Variants in ZNF732 observed in about 807,000 individuals in gnomAD.
The protein encoded by ZNF732 is zinc finger protein LOC654254.
ZNF732 carries 12 observed loss-of-function variants against 11.5 expected under a neutral mutation model. That is an observed-to-expected ratio of 1.05 (90% CI 0.67 to 1.70). The LOEUF is 1.70. Ranked by LOEUF, ZNF732 falls within the 40% of genes most tolerant of loss-of-function variation. ZNF732 has a pLI of 0.00. For missense variants in ZNF732, 702 were observed against 676.9 expected, an observed-to-expected ratio of 1.04 and a Z score of -0.41; for synonymous variants, 231 against 236.5, an observed-to-expected ratio of 0.98 and a Z score of 0.21.
In ZNF732 at chr4:277,270, A is replaced by C. The variant is rs140486318; in HGVS notation, c.227-4640T>G. 1.2e-3 allele frequency among the ~76,000 whole-genome samples: 186 copies of C among 152,220 alleles called. 1 individual carries two copies. Among genetic ancestry groups the C allele is most frequent in the African/African-American group, 4.0e-3 (168 of 41,582 alleles). ...AAGACCTCAAAATCACAGGCAAAAG[A>C]AGCAAAAATATGCAAACGGGATTAC... is the stretch of plus-strand genomic sequence containing the variant. On this transcript the variant is annotated intron_variant, in intron 3 of 3. Transcript: ENST00000419098.
In ZNF732 at chr4:305,416, C is replaced by G; in HGVS notation, c.-106G>C. ...CTGTGACCGAATCACCGACGCCTCC[C>G]TGAGGGGTGAAAGCACGGCCGTGGA... On this transcript the variant is annotated 5_prime_UTR_variant, in exon 1 of 4. Transcript: ENST00000419098. The G allele has an allele frequency of 6.6e-7, 1 of 1,524,110 alleles. No homozygotes were observed. Among genetic ancestry groups the G allele is most frequent in the Non-Finnish European group, 9.0e-7 (1 of 1,115,946 alleles). The allele number at this position is 1,524,110 out of a possible 1,614,324, so 94.4% of individuals were successfully genotyped here. A position where few individuals can be genotyped will look rare whatever the true frequency, so the allele number is the denominator to read the frequency against.
rs73064337 is a variant in ZNF732, at chr4:284,274, T to C, written c.226+11164A>G. Among the ~76,000 whole-genome samples, 448 of 152,068 alleles carry C rather than the reference T, an allele frequency of 2.9e-3. 2 individuals carry two copies. The highest frequency in any genetic ancestry group is 0.01 in the African/African-American group (421 of 41,474). ...TGAGAAATCAATAGCAGAGTGAACA[T>C]TGAAAATCTTACAAATATGTGTATA... On this transcript the variant is annotated intron_variant, in intron 3 of 3. Transcript: ENST00000419098.
intron 1 of ZNF732, 89 bp downstream of exon 1, chr4:305,219 C>A (rs1005738011): frequency 2.0e-6 from 3 of 1,506,276 alleles, no homozygotes; most frequent in African/African-American, 2.8e-5. Flanking sequence ...AGCGGAGACT[C>A]CGTTCGCAGA....
chr4:305,201 G>A, intron 1 of ZNF732, 107 bp downstream of exon 1: 2 of 1,425,724 alleles, frequency 1.4e-6, no homozygotes, highest in Admixed American at 2.5e-5. Context: ...TGAGGGCTGA[G>A]CGGCGGCAGC....
intron 3 of ZNF732, among the ~76,000 whole-genome samples, chr4:276,793 G>T (rs370089960): frequency 1.3e-5 from 2 of 151,376 alleles, no homozygotes; most frequent in African/African-American, 4.8e-5. Context: ...TCACAGAAAT[G>T]GAAAAAACAA....
chr4:299,391 G>GTGTATATATATATA (rs1343524347), intron 1 of ZNF732, among the ~76,000 whole-genome samples: 1 of 30,756 alleles, frequency 3.3e-5, no homozygotes, highest in East Asian at 1.2e-3. Context: ...ATACACATAT[G>GTGTATATATATATA]TACACATATG....
chr4:298,878 G>GT (rs1720019145), intron 1 of ZNF732, among the ~76,000 whole-genome samples: 1 of 152,102 alleles, frequency 6.6e-6, no homozygotes, highest in East Asian at 1.9e-4. Context: ...CTGCTAAGGT[G>GT]CTTTTTTACA....
intron 1 of ZNF732, among the ~76,000 whole-genome samples, chr4:303,256 T>C (rs1455527716): frequency 6.6e-6 from 1 of 152,094 alleles, no homozygotes; most frequent in African/African-American, 2.4e-5. Context: ...TAAACCAAAG[T>C]ATAAAAGAAA....
At chr4:274,879 G>C (rs1719461097) in intron 3 of ZNF732, among the ~76,000 whole-genome samples, 1 of 151,634 alleles carries the variant, frequency 6.6e-6, no homozygotes, top group Non-Finnish European at 1.5e-5. Flanking sequence ...ATGTGTGTGT[G>C]TCTCCCCCAC....
chr4:291,977 G>C (rs1015668134), intron 3 of ZNF732, among the ~76,000 whole-genome samples: 1 of 152,150 alleles, frequency 6.6e-6, no homozygotes, highest in Admixed American at 6.5e-5. Context: ...TTACACTCTT[G>C]TCAATACGTG....
At chr4:276,257 G>C (rs61192761) in intron 3 of ZNF732, among the ~76,000 whole-genome samples, 9,354 of 151,804 alleles carry the variant, frequency 0.062, 493 homozygotes, top group African/African-American at 0.14. Flanking sequence ...AATATGCAGA[G>C]AGATAAACAC....
chr4:275,413 ATATGG>A (rs138723584), intron 3 of ZNF732, among the ~76,000 whole-genome samples: 8,142 of 151,792 alleles, frequency 0.054, 324 homozygotes, highest in African/African-American at 0.11. Context: ...TTCCCATATT[ATATGG>A]AATTAAGAAA....
intron 1 of ZNF732, among the ~76,000 whole-genome samples, chr4:301,362 T>A (rs1269578040): frequency 6.6e-6 from 1 of 152,170 alleles, no homozygotes; most frequent in Non-Finnish European, 1.5e-5. Flanking sequence ...GCCATCTCAT[T>A]ACTGGGTATA....
At chr4:282,515 T>G (rs992989683) in intron 3 of ZNF732, among the ~76,000 whole-genome samples, 1 of 152,104 alleles carries the variant, frequency 6.6e-6, no homozygotes, top group Non-Finnish European at 1.5e-5. Flanking sequence ...CTGAGCAACA[T>G]GGCAAAACCC....
At position 305,439 on chromosome 4, in the gene ZNF732, GGA is replaced by G; in HGVS notation, c.-131_-130del. The G allele has an allele frequency of 7.3e-7, 1 of 1,370,908 alleles. No individual in the cohort carries two copies. Among genetic ancestry groups the G allele is most frequent in the Non-Finnish European group, 1.0e-6 (1 of 993,626 alleles). 84.9% of individuals were successfully genotyped at this position (1,370,908 alleles called of 1,614,324 possible). ...CCCTGAGGGGTGAAAGCACGGCCGT[GGA>G]GACCCTAACCGAGCTCACGCTGGCG... is the stretch of plus-strand genomic sequence containing the variant. On this transcript the variant is annotated 5_prime_UTR_variant, in exon 1 of 4. Coordinates refer to ENST00000419098, the MANE Select transcript of ZNF732 (RefSeq NM_001137608.3).
intron 3 of ZNF732, among the ~76,000 whole-genome samples, chr4:288,088 C>A (rs1325270729): frequency 1.3e-5 from 2 of 152,064 alleles, no homozygotes; most frequent in Non-Finnish European, 2.9e-5. Context: ...ACATTTTCAT[C>A]TCTTGTCTAT....
chr4:275,587 A>G (rs2108652538), intron 3 of ZNF732, among the ~76,000 whole-genome samples: 1 of 151,812 alleles, frequency 6.6e-6, no homozygotes, highest in African/African-American at 2.4e-5. Flanking sequence ...AAAAATATAA[A>G]CTCTCACACA....
chr4:303,260 A>C (rs191936837), intron 1 of ZNF732, among the ~76,000 whole-genome samples: 1 of 152,158 alleles, frequency 6.6e-6, no homozygotes, highest in Non-Finnish European at 1.5e-5. Flanking sequence ...CCAAAGTATA[A>C]AAGAAAATCT....
intron 1 of ZNF732, among the ~76,000 whole-genome samples, chr4:299,986 G>A (rs1371537791): frequency 6.7e-6 from 1 of 150,188 alleles, no homozygotes; most frequent in South Asian, 2.1e-4. Context: ...TTACAGGCGT[G>A]AGCCACCATG....
Sources: gnomAD v4.1 joint callset for allele counts (sites outside exome capture counted in the v4.1 genomes callset) on GRCh38, gnomAD v4.1.1 for gene constraint, MANE v1.5 for transcripts, NCBI Gene and HGNC (gene_info 2026-07-23, HGNC 2026-07-21) for gene names.